Variants in APH1B observed in about 807,000 individuals in gnomAD.
The protein encoded by APH1B is aph-1B gamma-secretase subunit, also known as gamma-secretase subunit APH-1B.
APH1B carries 27 observed loss-of-function variants against 28.2 expected under a neutral mutation model. The ratio of observed to expected loss-of-function variants is 0.96; its 90% confidence interval spans 0.70 to 1.32. APH1B has a LOEUF of 1.32. Among genes scored for constraint, APH1B ranks in the 40% most tolerant of loss-of-function variants. APH1B has a pLI of 0.00. For missense variants in APH1B, 305 were observed against 313.6 expected (o/e 0.97, Z 0.21); for synonymous variants, 141 against 124.6 (o/e 1.13, Z -0.88).
chr15:63,286,072 T>A (rs1482485865), intron 2 of APH1B, among the ~76,000 whole-genome samples: 1 of 152,052 alleles, frequency 6.6e-6, no homozygotes, highest in East Asian at 1.9e-4. Flanking sequence ...GAAGGATGAG[T>A]GTAGTTTAGG....
chr15:63,295,147 A>G (rs183040852), intron 4 of APH1B, among the ~76,000 whole-genome samples: 58 of 152,362 alleles, frequency 3.8e-4, no homozygotes, highest in African/African-American at 1.2e-3. Flanking sequence ...CAGGTTTGAG[A>G]GCTTGTTTGG....
In APH1B at chr15:63,308,523, A is replaced by G. The variant is rs1173373040; in HGVS notation, c.*2742A>G. On this transcript the variant is annotated 3_prime_UTR_variant, in exon 6 of 6. Coordinates refer to ENST00000261879, the MANE Select transcript of APH1B (RefSeq NM_031301.4). Reference sequence around the variant, plus strand: ...AACATTTTCTTCTCAATCACATTTCAATGTTTGTGGAGAGTGGCAGATTCA... The same window carrying G: ...AACATTTTCTTCTCAATCACATTTCGATGTTTGTGGAGAGTGGCAGATTCA... 1 of 152,222 alleles carries G rather than the reference A, an allele frequency of 6.6e-6. No individual in the cohort carries two copies. Among genetic ancestry groups the G allele is most frequent in the African/African-American group, 2.4e-5 (1 of 41,448 alleles). The allele number at this position is 152,222 out of a possible 1,614,324, so 9.4% of individuals were successfully genotyped here.
intron 4 of APH1B, among the ~76,000 whole-genome samples, chr15:63,296,454 G>A (rs561989517): frequency 2.0e-5 from 3 of 152,290 alleles, no homozygotes; most frequent in South Asian, 4.1e-4. Context: ...GGGAAGCTAG[G>A]TGATGGCAGT....
At chr15:63,280,841 A>G (rs751869522) in intron 2 of APH1B, among the ~76,000 whole-genome samples, 1 of 152,214 alleles carries the variant, frequency 6.6e-6, no homozygotes, top group Non-Finnish European at 1.5e-5. Flanking sequence ...ACTGTAGAAT[A>G]TCATTAAGGT....
intron 4 of APH1B, among the ~76,000 whole-genome samples, chr15:63,299,120 T>C (rs62012918): frequency 0.032 from 4,926 of 152,148 alleles, 111 homozygotes; most frequent in East Asian, 0.12. Flanking sequence ...TTTTCTTCCA[T>C]AGGATGCAGT....
intron 5 of APH1B, 38 bp from the exon 6 acceptor site, chr15:63,305,576 G>T: frequency 6.2e-7 from 1 of 1,603,436 alleles, no homozygotes; most frequent in Non-Finnish European, 8.5e-7. Context: ...TAATAAGCTT[G>T]CTGTTATTAC....
chr15:63,296,926 G>A (rs1275838226), intron 4 of APH1B, among the ~76,000 whole-genome samples: 2 of 152,160 alleles, frequency 1.3e-5, no homozygotes, highest in African/African-American at 4.8e-5. Context: ...CCAGGCGTGA[G>A]CCACCCCGCC....
intron 4 of APH1B, among the ~76,000 whole-genome samples, chr15:63,295,378 A>C (rs2038554316): frequency 6.6e-6 from 1 of 152,248 alleles, no homozygotes; most frequent in African/African-American, 2.4e-5. Context: ...TGGCAGCTCT[A>C]GCCAGTGAGT....
intron 1 of APH1B, chr15:63,278,401 T>C (rs2038349312): frequency 2.2e-6 from 1 of 455,602 alleles, no homozygotes; most frequent in African/African-American, 2.0e-5. Context: ...ACCTGCCTCT[T>C]ACTTGCACAT....
At chr15:63,303,291 G>T (rs576431412) in intron 5 of APH1B, among the ~76,000 whole-genome samples, 2 of 152,294 alleles carry the variant, frequency 1.3e-5, no homozygotes, top group African/African-American at 2.4e-5. Flanking sequence ...TGACCATGAC[G>T]CTGGCTTCAA....
rs1188631710 is a variant in APH1B at position 63,308,256 on chromosome 15, T to G, written c.*2475T>G. On this transcript the variant is annotated 3_prime_UTR_variant, in exon 6 of 6. Coordinates refer to ENST00000261879, the MANE Select transcript of APH1B (RefSeq NM_031301.4). ...GAATTGTGAATATTGTTGCAATTCT[T>G]GAATATATTACCATGTGAATAATAG... is the stretch of plus-strand genomic sequence containing the variant. 6.6e-6 allele frequency: 1 copy of G among 152,190 alleles called. No individual in the cohort carries two copies. The highest frequency in any genetic ancestry group is 2.1e-4 in the South Asian group (1 of 4,830). 9.4% of individuals were successfully genotyped at this position (152,190 alleles called of 1,614,324 possible).
chr15:63,297,966 C>G (rs1224999161), intron 4 of APH1B, among the ~76,000 whole-genome samples: 1 of 152,086 alleles, frequency 6.6e-6, no homozygotes, highest in African/African-American at 2.4e-5. Context: ...TCCAAGGGAT[C>G]TCTTCTAGAT....
At chr15:63,278,029 T>G (rs2038344196) in intron 1 of APH1B, 1 of 447,328 alleles carries the variant, frequency 2.2e-6, no homozygotes, top group African/African-American at 2.0e-5. Flanking sequence ...ATATGCATCC[T>G]TCATTTTCTG....
intron 2 of APH1B, among the ~76,000 whole-genome samples, chr15:63,280,758 A>T (rs2152591919): frequency 6.6e-6 from 1 of 152,352 alleles, no homozygotes; most frequent in South Asian, 2.1e-4. Context: ...CATCCCTAAC[A>T]GATGGACATC....
rs1011445883 is a variant in APH1B, at chr15:63,308,584, G to A, written c.*2803G>A. 1.3e-5 allele frequency: 2 copies of A among 152,262 alleles called. No homozygotes were observed. The highest frequency in any genetic ancestry group is 4.8e-5 in the African/African-American group (2 of 41,460). The allele number at this position is 152,262 out of a possible 1,614,324, so 9.4% of individuals were successfully genotyped here. ...ACTAGGTGTTCATATCCATAGCATGGATGCAGAATAAGCAGTTGGGAGAGA... is the reference window on the plus strand; with the variant it reads ...ACTAGGTGTTCATATCCATAGCATGAATGCAGAATAAGCAGTTGGGAGAGA... On this transcript the variant is annotated 3_prime_UTR_variant, in exon 6 of 6. Coordinates refer to ENST00000261879, the MANE Select transcript of APH1B (RefSeq NM_031301.4).
At chr15:63,279,465 C>A in intron 2 of APH1B, 134 bp downstream of exon 2, 1 of 727,250 alleles carries the variant, frequency 1.4e-6, no homozygotes, top group Non-Finnish European at 2.0e-6. Context: ...GGTACATTTC[C>A]AGCCTGAAAA....
chr15:63,287,006 G>A (rs1016527502), intron 3 of APH1B, among the ~76,000 whole-genome samples: 3 of 152,156 alleles, frequency 2.0e-5, no homozygotes, highest in African/African-American at 7.2e-5. Flanking sequence ...TGAGAATTAT[G>A]TTTAAGATTG....
chr15:63,306,975 C>G lies in APH1B; in HGVS notation c.*1194C>G, dbSNP rs2038693625. The G allele has an allele frequency of 6.6e-6, 1 of 152,230 alleles. No individual in the cohort carries two copies. The highest frequency in any genetic ancestry group is 1.5e-5 in the Non-Finnish European group (1 of 68,052). 9.4% of individuals were successfully genotyped at this position (152,230 alleles called of 1,614,324 possible). ...CCAAGGTGTTCTTTCAGCTTCCAGA[C>G]AGGTCCTTTGATTTCCTTTATAAAG... On this transcript the variant is annotated 3_prime_UTR_variant, in exon 6 of 6. Coordinates refer to ENST00000261879, the MANE Select transcript of APH1B (RefSeq NM_031301.4).
At chr15:63,299,559 C>T (rs1230319095) in intron 4 of APH1B, among the ~76,000 whole-genome samples, 1 of 152,056 alleles carries the variant, frequency 6.6e-6, no homozygotes, top group African/African-American at 2.4e-5. Flanking sequence ...TGCCCTCCAC[C>T]ACGCCCGGCT....
Sources: allele counts gnomAD v4.1 joint callset (sites outside exome capture counted in the v4.1 genomes callset), GRCh38; gene constraint gnomAD v4.1.1; transcripts MANE v1.5; gene names NCBI Gene and HGNC (gene_info 2026-07-23, HGNC 2026-07-21).